KLF8: variants seen among roughly 807,000 people sequenced by gnomAD.
KLF8 encodes KLF transcription factor 8, also known as Krueppel-like factor 8.
Under a neutral mutation model 18.2 loss-of-function variants are expected in KLF8, and 10 were observed. That is an observed-to-expected ratio of 0.55 (90% CI 0.34 to 0.93). The LOEUF is 0.93. KLF8 is among the 40% of genes least tolerant of loss of function. KLF8 has a pLI of 0.02. For synonymous variants in KLF8, 109 were observed against 97.3 expected (o/e 1.12, Z -0.71); for missense variants, 264 against 277.9 (o/e 0.95, Z 0.36).
the KLF8 span, among the ~76,000 whole-genome samples, chrX:56,217,021 T>C: frequency 2.7e-5 from 3 of 112,087 alleles, no homozygotes; most frequent in Non-Finnish European, 5.6e-5. Context: ...GTCTGTTTAA[T>C]AAATAGCTGG....
the KLF8 span, among the ~76,000 whole-genome samples, chrX:56,156,507 C>T: frequency 9.1e-6 from 1 of 109,322 alleles, no homozygotes; most frequent in Non-Finnish European, 1.9e-5. Flanking sequence ...CTGGTCCTGC[C>T]TTAGTTTGCT....
At chrX:55,952,149 C>T in the KLF8 span, among the ~76,000 whole-genome samples, 1 of 111,710 alleles carries the variant, frequency 9.0e-6, no homozygotes, top group Non-Finnish European at 1.9e-5. Flanking sequence ...GAATAATTGA[C>T]GATTAAGATG....
At chrX:56,061,908 T>C in the KLF8 span, among the ~76,000 whole-genome samples, 1 of 110,398 alleles carries the variant, frequency 9.1e-6, no homozygotes, top group African/African-American at 3.3e-5. Context: ...CCCTTTACCA[T>C]TATTTAATGT....
chrX:56,022,566 AAAG>A, the KLF8 span, among the ~76,000 whole-genome samples: 6 of 105,378 alleles, frequency 5.7e-5, no homozygotes, highest in Admixed American at 2.0e-4. Flanking sequence ...AAAAAAAAAA[AAAG>A]AAGAAAAAAA....
intron 3 of KLF8, chrX:56,266,291 A>C: frequency 1.3e-6 from 1 of 752,345 alleles, no homozygotes; most frequent in African/African-American, 2.3e-5. Context: ...CAAAAGAAGT[A>C]ATTGAAATAT....
chrX:56,062,590 C>G, the KLF8 span, among the ~76,000 whole-genome samples: 15,005 of 111,451 alleles, frequency 0.13, 1,101 homozygotes, highest in Non-Finnish European at 0.21. Flanking sequence ...TGGGTAACCA[C>G]ACCTTTCTCT....
the KLF8 span, among the ~76,000 whole-genome samples, chrX:56,149,655 G>C: frequency 9.0e-6 from 1 of 111,589 alleles, no homozygotes; most frequent in Non-Finnish European, 1.9e-5. Flanking sequence ...GTTGAAACGT[G>C]GGTGGTGTGC....
chrX:56,134,185 C>CA, the KLF8 span, among the ~76,000 whole-genome samples: 79 of 107,506 alleles, frequency 7.3e-4, no homozygotes, highest in African/African-American at 2.1e-3. Context: ...CATATGGAAC[C>CA]AAAAAAAAAA....
the KLF8 span, among the ~76,000 whole-genome samples, chrX:56,168,436 T>C: frequency 8.9e-6 from 1 of 112,434 alleles, no homozygotes. Flanking sequence ...CCCATGTCCA[T>C]GGGTTAGACA....
At chrX:56,075,084 T>C in the KLF8 span, among the ~76,000 whole-genome samples, 1 of 110,893 alleles carries the variant, frequency 9.0e-6, no homozygotes, top group Non-Finnish European at 1.9e-5. Context: ...CGAGCATTTA[T>C]ATTTAGGTCT....
chrX:56,222,003 CT>C, the KLF8 span, among the ~76,000 whole-genome samples: 1 of 110,997 alleles, frequency 9.0e-6, no homozygotes, highest in South Asian at 3.8e-4. Context: ...TTTACAATCC[CT>C]GAGCTAGACA....
chrX:56,047,718 G>A, the KLF8 span, among the ~76,000 whole-genome samples: 2 of 111,202 alleles, frequency 1.8e-5, no homozygotes, highest in Non-Finnish European at 3.8e-5. Flanking sequence ...TAGTGCCGCA[G>A]TAAACATACG....
chrX:56,235,493 C>T (rs1289311935), intron 1 of KLF8, among the ~76,000 whole-genome samples: 1 of 106,360 alleles, frequency 9.4e-6, no homozygotes, highest in Non-Finnish European at 1.9e-5. Flanking sequence ...CTCGGCTTGC[C>T]GCAACCTTCG....
At chrX:56,159,468 G>T in the KLF8 span, among the ~76,000 whole-genome samples, 1 of 112,660 alleles carries the variant, frequency 8.9e-6, no homozygotes, top group African/African-American at 3.2e-5. Context: ...AATGGTACTA[G>T]CTCCTCCTTG....
the KLF8 span, among the ~76,000 whole-genome samples, chrX:56,028,590 G>A: frequency 1.2e-4 from 13 of 111,506 alleles, no homozygotes; most frequent in East Asian, 1.1e-3. Context: ...GGTCGTCCAC[G>A]TACTGGAGCA....
the KLF8 span, among the ~76,000 whole-genome samples, chrX:55,910,217 C>A: frequency 8.9e-6 from 1 of 111,754 alleles, no homozygotes; most frequent in Non-Finnish European, 1.9e-5. Context: ...TATATTCATT[C>A]ATTCATTCGT....
At chrX:56,198,119 T>C in the KLF8 span, among the ~76,000 whole-genome samples, 1 of 111,755 alleles carries the variant, frequency 8.9e-6, no homozygotes, top group East Asian at 2.8e-4. Flanking sequence ...AGGACAAACC[T>C]ACAGCCAATA....
At chrX:56,174,947 G>C in the KLF8 span, among the ~76,000 whole-genome samples, 1 of 111,428 alleles carries the variant, frequency 9.0e-6, no homozygotes, top group Non-Finnish European at 1.9e-5. Flanking sequence ...GTGATATCCT[G>C]TTTGTCATTT....
At chrX:55,941,612 AC>A in the KLF8 span, among the ~76,000 whole-genome samples, 1 of 112,079 alleles carries the variant, frequency 8.9e-6, no homozygotes, top group South Asian at 3.7e-4. Context: ...AACTTTCACA[AC>A]CTACTCATCT....
Sources: gnomAD v4.1 joint callset for allele counts (sites outside exome capture counted in the v4.1 genomes callset) on GRCh38, gnomAD v4.1.1 for gene constraint, MANE v1.5 for transcripts, NCBI Gene and HGNC (gene_info 2026-07-23, HGNC 2026-07-21) for gene names.